DENND4A: variants seen among roughly 807,000 people sequenced by gnomAD.
DENND4A encodes DENN domain containing 4A.
DENND4A carries 70 observed loss-of-function variants against 199.3 expected under a neutral mutation model. The observed-to-expected ratio is 0.35, with a 90% CI of 0.29 to 0.43. The LOEUF (loss-of-function observed/expected upper bound fraction) is 0.43. DENND4A is among the 20% of genes least tolerant of loss of function. DENND4A has a pLI of 1.00. For synonymous variants in DENND4A, 686 were observed against 766.9 expected, an observed-to-expected ratio of 0.89 and a Z score of 1.74; for missense variants, 1,723 against 2,255.8, an observed-to-expected ratio of 0.76 and a Z score of 4.78.
At chr15:65,779,599 C>T (rs2077382603) in intron 1 of DENND4A, among the ~76,000 whole-genome samples, 1 of 152,098 alleles carries the variant, frequency 6.6e-6, no homozygotes. Flanking sequence ...AAGTGATCCT[C>T]CCACCTCAGC....
At position 65,780,566 on chromosome 15, in the gene DENND4A, G is replaced by A. The variant is rs549236662; in HGVS notation, c.-102+11444C>T. ...TGACATTTTCAAAAGCTAGGGTTGT[G>A]TCTTTGATTTTAAAACCCAGGATTA... On this transcript the variant is annotated intron_variant, in intron 1 of 32. Transcript: ENST00000443035. 2.1e-4 allele frequency among the ~76,000 whole-genome samples: 32 copies of A among 152,294 alleles called. No individual in the cohort carries two copies. The East Asian group carries it at 4.0e-3, about 19-fold the overall frequency.
At chr15:65,720,082 T>A (rs934381722) in intron 12 of DENND4A, among the ~76,000 whole-genome samples, 1 of 152,184 alleles carries the variant, frequency 6.6e-6, no homozygotes, top group Non-Finnish European at 1.5e-5. Flanking sequence ...TGGAACTGGA[T>A]CCTTTTGTTA....
At chr15:65,734,974 T>C (rs1211833004) in intron 7 of DENND4A, among the ~76,000 whole-genome samples, 1 of 151,910 alleles carries the variant, frequency 6.6e-6, no homozygotes, top group Non-Finnish European at 1.5e-5. Flanking sequence ...CCCAGCTACT[T>C]GGAGGGGCTG....
Position 65,732,737 on chromosome 15 carries a change from AC to A in DENND4A, c.1107+14del. On this transcript the variant is annotated intron_variant, in intron 8 of 32. Coordinates refer to ENST00000443035, the MANE Select transcript of DENND4A (RefSeq NM_001320835.1). Reference sequence around the variant, plus strand: ...CAACTCATAGGTCCCCCAATCAAAAACAAAAAAACCTTACCTGAACTAAAAT... The same window carrying A: ...CAACTCATAGGTCCCCCAATCAAAAAAAAAAAACCTTACCTGAACTAAAAT... 6.5e-7 allele frequency: 1 copy of A among 1,550,150 alleles called. No individual in the cohort carries two copies. Among genetic ancestry groups the A allele is most frequent in the Admixed American group, 1.8e-5 (1 of 56,964 alleles).
At chr15:65,663,594 C>A (rs966303031) in intron 32 of DENND4A, among the ~76,000 whole-genome samples, 3 of 152,014 alleles carry the variant, frequency 2.0e-5, no homozygotes, top group African/African-American at 7.3e-5. Flanking sequence ...CCAGCTCTGC[C>A]CCTGGTAGCA....
chr15:65,683,478 AT>A (rs1469086091), intron 23 of DENND4A, among the ~76,000 whole-genome samples: 1 of 152,130 alleles, frequency 6.6e-6, no homozygotes, highest in Non-Finnish European at 1.5e-5. Context: ...TAAATCATTA[AT>A]TTTAAATCAC....
At chr15:65,755,708 G>C (rs1252852983) in intron 3 of DENND4A, among the ~76,000 whole-genome samples, 1 of 152,192 alleles carries the variant, frequency 6.6e-6, no homozygotes. Context: ...TGAGGCTGTA[G>C]TGAGCTATGA....
chr15:65,775,189 T>G (rs1302088642), intron 1 of DENND4A, among the ~76,000 whole-genome samples: 2 of 141,696 alleles, frequency 1.4e-5, no homozygotes, highest in African/African-American at 4.9e-5. Flanking sequence ...ACAAAAAAAT[T>G]TTTTTAATTA....
intron 1 of DENND4A, among the ~76,000 whole-genome samples, chr15:65,762,038 G>C (rs530485840): frequency 6.6e-6 from 1 of 152,036 alleles, no homozygotes; most frequent in Non-Finnish European, 1.5e-5. Context: ...CAAGAGTTTC[G>C]CTCTTGTTGC....
chr15:65,745,359 C>T (rs1184660477), intron 4 of DENND4A, among the ~76,000 whole-genome samples: 6 of 151,892 alleles, frequency 4.0e-5, no homozygotes, highest in African/African-American at 1.5e-4. Context: ...AAATAAAAAC[C>T]CTTAACCTTT....
At position 65,791,548 on chromosome 15, in the gene DENND4A, C is replaced by T. The variant is rs751864845; in HGVS notation, c.-102+462G>A. Among the ~76,000 whole-genome samples the T allele has an allele frequency of 2.7e-4, 41 of 151,870 alleles. 1 individual carries two copies. Among genetic ancestry groups the T allele is most frequent in the Non-Finnish European group, 3.7e-4 (25 of 67,976 alleles). On this transcript the variant is annotated intron_variant, in intron 1 of 32. Transcript: ENST00000443035. ...ACCCGTGCCCGCGGGCCGGGGAAGG[C>T]TGAACAGACCCTGGGAGGAAAAGTG...
intron 11 of DENND4A, among the ~76,000 whole-genome samples, chr15:65,728,000 G>T (rs1469481608): frequency 6.6e-6 from 1 of 151,134 alleles, no homozygotes; most frequent in South Asian, 2.1e-4. Context: ...AGTTTTTTTT[G>T]TTTGTTTTTT....
At chr15:65,688,165 T>C (rs531165169) in intron 23 of DENND4A, among the ~76,000 whole-genome samples, 10 of 152,346 alleles carry the variant, frequency 6.6e-5, no homozygotes, top group African/African-American at 2.2e-4. Context: ...CATTCTGTTA[T>C]TTAACCCATT....
intron 14 of DENND4A, among the ~76,000 whole-genome samples, chr15:65,711,030 T>C (rs1028002277): frequency 2.6e-5 from 4 of 152,022 alleles, no homozygotes; most frequent in Non-Finnish European, 5.9e-5. Context: ...ATTAAACCTC[T>C]TTTTTTTATT....
At chr15:65,709,720 A>AAAAAAC (rs67212352) in intron 14 of DENND4A, among the ~76,000 whole-genome samples, 1 of 50,654 alleles carries the variant, frequency 2.0e-5, no homozygotes, top group African/African-American at 9.8e-5. Flanking sequence ...AAAAAAAAAA[A>AAAAAAC]TATATATATA....
At chr15:65,784,310 C>T (rs1238892588) in intron 1 of DENND4A, among the ~76,000 whole-genome samples, 1 of 151,642 alleles carries the variant, frequency 6.6e-6, no homozygotes, top group Non-Finnish European at 1.5e-5. Context: ...ATCCTGGAAC[C>T]AAAAAAGAAC....
intron 8 of DENND4A, among the ~76,000 whole-genome samples, chr15:65,732,204 TTTG>T (rs1292589247): frequency 6.6e-6 from 1 of 152,064 alleles, no homozygotes; most frequent in Non-Finnish European, 1.5e-5. Flanking sequence ...ACCAAAAAAG[TTTG>T]TTAACTTCCA....
chr15:65,718,246 C>G (rs1269817266), intron 12 of DENND4A, among the ~76,000 whole-genome samples: 1 of 151,986 alleles, frequency 6.6e-6, no homozygotes, highest in South Asian at 2.1e-4. Context: ...AAGCTCAGGT[C>G]GGTCATGGTA....
chr15:65,760,234 T>C (rs1596631139), intron 2 of DENND4A, among the ~76,000 whole-genome samples: 1 of 152,202 alleles, frequency 6.6e-6, no homozygotes, highest in Non-Finnish European at 1.5e-5. Flanking sequence ...TGGTGGCTCA[T>C]GCCTGTAATC....
Sources: gnomAD v4.1 joint callset for allele counts (sites outside exome capture counted in the v4.1 genomes callset) on GRCh38, gnomAD v4.1.1 for gene constraint, MANE v1.5 for transcripts, NCBI Gene and HGNC (gene_info 2026-07-23, HGNC 2026-07-21) for gene names.